Variants in USP13 observed in about 807,000 individuals in gnomAD.
USP13 encodes ubiquitin specific peptidase 13, also known as ubiquitin carboxyl-terminal hydrolase 13.
A neutral mutation model predicts 107.8 loss-of-function variants in USP13; 68 were observed. That is an observed-to-expected ratio of 0.63 (90% CI 0.52 to 0.77). The LOEUF (loss-of-function observed/expected upper bound fraction) is 0.77, where lower values mean the gene tolerates loss of function less well. Ranked by LOEUF, USP13 falls within the 30% of genes least tolerant of loss-of-function variation. USP13 has a pLI of 0.00. For missense variants in USP13, 945 were observed against 1,093.3 expected (o/e 0.86, Z 1.91); for synonymous variants, 377 against 389.5 (o/e 0.97, Z 0.38).
rs1714352242 is a variant in USP13, at chr3:179,745,108, T to C, written c.1600T>C (p.Leu534=). The C allele has an allele frequency of 6.2e-7, 1 of 1,614,008 alleles. No homozygotes were observed. Among genetic ancestry groups the C allele is most frequent in the Admixed American group, 1.7e-5 (1 of 59,990 alleles). ...AGCAAACAGAAGACCCCTTCCTGAG[T>C]TGGTACGTGCCAAGATACCATTTAG... The part of the protein sequence containing the change: ...AEANRRPLPE[L]VRAKIPFSAC... The change falls in exon 13 of 21, where the codon TTG becomes CTG. Residue 534 remains leucine (L), a synonymous_variant. Coordinates refer to ENST00000263966, the MANE Select transcript of USP13 (RefSeq NM_003940.3).
At chr3:179,689,628 A>T (rs533333629) in intron 2 of USP13, among the ~76,000 whole-genome samples, 2 of 151,944 alleles carry the variant, frequency 1.3e-5, no homozygotes, top group Admixed American at 6.6e-5. Flanking sequence ...ACTGCACTCC[A>T]GCCTGGGCGA....
chr3:179,702,321 G>T (rs955913730), intron 4 of USP13, among the ~76,000 whole-genome samples: 1 of 152,160 alleles, frequency 6.6e-6, no homozygotes, highest in Non-Finnish European at 1.5e-5. Context: ...GCCCGGCCTG[G>T]TCTCCCATTT....
intron 2 of USP13, among the ~76,000 whole-genome samples, chr3:179,686,624 G>T (rs761511427): frequency 6.6e-6 from 1 of 152,150 alleles, no homozygotes; most frequent in Non-Finnish European, 1.5e-5. Context: ...TCTAATTTGT[G>T]TCCTTCTTCA....
chr3:179,660,439 T>C (rs1720425042), intron 1 of USP13, among the ~76,000 whole-genome samples: 2 of 152,274 alleles, frequency 1.3e-5, no homozygotes, highest in Non-Finnish European at 1.5e-5. Context: ...TTCAGTGTTG[T>C]AGCATGCATC....
At chr3:179,744,647 T>C (rs1037238889) in intron 12 of USP13, among the ~76,000 whole-genome samples, 3 of 152,174 alleles carry the variant, frequency 2.0e-5, no homozygotes, top group African/African-American at 7.2e-5. Context: ...TTTCTGGCTG[T>C]GAAATACTCT....
chr3:179,679,356 A>G (rs1194829232), intron 1 of USP13, among the ~76,000 whole-genome samples: 3 of 152,198 alleles, frequency 2.0e-5, no homozygotes, highest in Non-Finnish European at 2.9e-5. Flanking sequence ...ATAAACATCA[A>G]TGTTTGTTTT....
intron 1 of USP13, among the ~76,000 whole-genome samples, chr3:179,663,070 T>C (rs960545601): frequency 2.6e-5 from 4 of 152,244 alleles, no homozygotes; most frequent in Non-Finnish European, 5.9e-5. Flanking sequence ...TTTGCAGTTA[T>C]CACCACTGTC....
At position 179,740,913 on chromosome 3, in the gene USP13, C is replaced by A. The variant is rs375862289; in HGVS notation, c.1380+541C>A. ...TCCTGAGTAGCTGGGATTATAGGAGCCTGCCACCACGCCCGGCTAATTTTT... is the reference window on the plus strand; with the variant it reads ...TCCTGAGTAGCTGGGATTATAGGAGACTGCCACCACGCCCGGCTAATTTTT... On this transcript the variant is annotated intron_variant, in intron 11 of 20. Transcript: ENST00000263966. Among the ~76,000 whole-genome samples, 410 of 151,680 alleles carry A rather than the reference C, an allele frequency of 2.7e-3. 2 individuals are homozygous for A. The highest frequency in any genetic ancestry group is 9.5e-3 in the African/African-American group (392 of 41,316).
At chr3:179,694,479 C>A (rs919406899) in intron 3 of USP13, among the ~76,000 whole-genome samples, 2 of 151,918 alleles carry the variant, frequency 1.3e-5, no homozygotes, top group African/African-American at 2.4e-5. Context: ...GAACTCCAAC[C>A]ATCACATCCT....
rs968878501 is a variant in USP13, at chr3:179,721,260, T to A, written c.901-142T>A. 3.5e-6 allele frequency: 3 copies of A among 863,560 alleles called. No individual in the cohort carries two copies. In the African/African-American group the frequency reaches 5.1e-5, roughly 15 times the overall value. The allele number at this position is 863,560 out of a possible 1,614,324, so 53.5% of individuals were successfully genotyped here. ...CCACCATCACCGTCTCTCAGTCTTT[T>A]TTATTTGCATTGTTTATTTCTCTAT... On this transcript the variant is annotated intron_variant, in intron 7 of 20. Coordinates refer to ENST00000263966, the MANE Select transcript of USP13 (RefSeq NM_003940.3). This position sits in a 1 kb window ranked among gnomAD's most constrained non-coding sequence, Gnocchi z 4.3.
rs150977876 is a variant in USP13, at chr3:179,655,548, G to GTTTTTTTTTTTTTTTTTTTT, written c.168+2163_168+2164insTTTTTTTTTTTTTTTTTTTT. ...AAGCACAGTGCGTGATAATGGGAAGGTTTTTTTTGTTTTGTTTTGTTTTTT... is the reference window on the plus strand; with the variant it reads ...AAGCACAGTGCGTGATAATGGGAAGGTTTTTTTTTTTTTTTTTTTTTTTTTTTTGTTTTGTTTTGTTTTTT... On this transcript the variant is annotated intron_variant, in intron 1 of 20. Coordinates refer to ENST00000263966, the MANE Select transcript of USP13 (RefSeq NM_003940.3). Among the ~76,000 whole-genome samples the GTTTTTTTTTTTTTTTTTTTT allele has an allele frequency of 1.7e-4, 22 of 131,418 alleles. 1 individual carries two copies. Among genetic ancestry groups the GTTTTTTTTTTTTTTTTTTTT allele is most frequent in the African/African-American group, 6.3e-4 (19 of 29,958 alleles). The allele number at this position is 131,418 out of a possible 152,430, so 86.2% of individuals were successfully genotyped here.
chr3:179,767,363 G>A (rs886854185), intron 19 of USP13, among the ~76,000 whole-genome samples: 6 of 152,056 alleles, frequency 3.9e-5, no homozygotes, highest in Admixed American at 2.0e-4. Context: ...CACAATTCCA[G>A]TGCAGGCAGT....
intron 13 of USP13, among the ~76,000 whole-genome samples, chr3:179,747,506 G>A (rs1317838020): frequency 6.6e-6 from 1 of 152,186 alleles, no homozygotes; most frequent in Non-Finnish European, 1.5e-5. Flanking sequence ...GGGGCCTGGT[G>A]TCTTAGAAGT....
intron 3 of USP13, among the ~76,000 whole-genome samples, chr3:179,695,674 G>A (rs1328863700): frequency 6.6e-6 from 1 of 151,878 alleles, no homozygotes; most frequent in African/African-American, 2.4e-5. Flanking sequence ...AGTTATAAAG[G>A]GCTCCTCAGT....
rs1043014367 is a variant in USP13 at position 179,673,991 on chromosome 3, C to G, written c.169-7887C>G. ...CACCGCAACCTCCGCCTTTCGGGTT[C>G]AAACGATTCTCCTGCCTCAGCCTTC... On this transcript the variant is annotated intron_variant, in intron 1 of 20. Transcript: ENST00000263966. 2.6e-5 allele frequency among the ~76,000 whole-genome samples: 4 copies of G among 152,338 alleles called. No homozygotes were observed. The East Asian group carries it at 7.7e-4, about 29-fold the overall frequency.
intron 10 of USP13, among the ~76,000 whole-genome samples, chr3:179,736,044 A>G (rs1713985201): frequency 6.6e-6 from 1 of 152,196 alleles, no homozygotes; most frequent in East Asian, 1.9e-4. Context: ...TCTCTTTAAA[A>G]AAAGCTGTTT....
At position 179,678,476 on chromosome 3, in the gene USP13, C is replaced by G. The variant is rs747337097; in HGVS notation, c.169-3402C>G. Among the ~76,000 whole-genome samples the G allele has an allele frequency of 1.5e-5, 2 of 131,770 alleles. No individual in the cohort carries two copies. Among genetic ancestry groups the G allele is most frequent in the Non-Finnish European group, 3.3e-5 (2 of 60,810 alleles). 86.4% of individuals were successfully genotyped at this position (131,770 alleles called of 152,430 possible). On this transcript the variant is annotated intron_variant, in intron 1 of 20. Coordinates refer to ENST00000263966, the MANE Select transcript of USP13 (RefSeq NM_003940.3). This position sits in a 1 kb window ranked among gnomAD's most constrained non-coding sequence, Gnocchi z 4.2. ...TTATAATTATAAGCTTTTTTGGATG[C>G]TATTTTTTTTTTTTGAGACAGGGTC...
intron 1 of USP13, among the ~76,000 whole-genome samples, chr3:179,660,484 C>G (rs1720426019): frequency 6.6e-6 from 1 of 152,200 alleles, no homozygotes; most frequent in Admixed American, 6.5e-5. Context: ...GAATAATATT[C>G]CATCATATAT....
At chr3:179,776,009 G>A (rs1327410052) in intron 19 of USP13, among the ~76,000 whole-genome samples, 1 of 152,164 alleles carries the variant, frequency 6.6e-6, no homozygotes, top group African/African-American at 2.4e-5. Flanking sequence ...TGCTGAGAGC[G>A]AGCAAGGGCT....
Sources: allele counts gnomAD v4.1 joint callset (sites outside exome capture counted in the v4.1 genomes callset), GRCh38; gene constraint gnomAD v4.1.1; non-coding constraint Gnocchi (gnomAD v3.1); transcripts MANE v1.5; gene names NCBI Gene and HGNC (gene_info 2026-07-23, HGNC 2026-07-21).